The following DAB1 variants were observed in gnomAD, a reference collection of about 807,000 sequenced individuals.
DAB1 encodes DAB adaptor protein 1.
DAB1 carries 15 observed loss-of-function variants against 64.6 expected under a neutral mutation model. The ratio of observed to expected loss-of-function variants is 0.23; its 90% CI spans 0.16 to 0.36. The LOEUF (loss-of-function observed/expected upper bound fraction) is 0.36. Among genes scored for constraint, DAB1 ranks in the 10% least tolerant of loss-of-function variants. DAB1 has a pLI of 1.00. For synonymous variants in DAB1, 235 were observed against 251.9 expected, an observed-to-expected ratio of 0.93 and a Z score of 0.64; for missense variants, 596 against 706.7, an observed-to-expected ratio of 0.84 and a Z score of 1.78.
chr1:58,039,012 C>T (rs1453975997), intron 5 of DAB1, among the ~76,000 whole-genome samples: 1 of 152,128 alleles, frequency 6.6e-6, no homozygotes, highest in Non-Finnish European at 1.5e-5. Context: ...GCCCACTCTG[C>T]TCCCCACACC....
chr1:57,282,028 A>G (rs1188301155), intron 2 of DAB1, among the ~76,000 whole-genome samples: 1 of 151,752 alleles, frequency 6.6e-6, no homozygotes, highest in Non-Finnish European at 1.5e-5. Flanking sequence ...CTAAAAATAT[A>G]AAAAATTAGC....
At chr1:57,634,735 A>G (rs1646030826) in intron 7 of DAB1, among the ~76,000 whole-genome samples, 1 of 152,226 alleles carries the variant, frequency 6.6e-6, no homozygotes, top group Non-Finnish European at 1.5e-5. Flanking sequence ...GTATAATGAA[A>G]ATCTTGTATT....
At chr1:58,464,575 G>A (rs1036935024) in intron 3 of DAB1, among the ~76,000 whole-genome samples, 6 of 152,202 alleles carry the variant, frequency 3.9e-5, no homozygotes, top group Non-Finnish European at 7.3e-5. Context: ...GTGTGGCCTT[G>A]TGAATGTTAT....
intron 7 of DAB1, among the ~76,000 whole-genome samples, chr1:57,585,159 G>C (rs908561970): frequency 1.4e-5 from 2 of 146,298 alleles, no homozygotes; most frequent in Non-Finnish European, 3.0e-5. Context: ...TGAGGCAGGA[G>C]AATCGCTCGA....
intron 14 of DAB1, among the ~76,000 whole-genome samples, chr1:57,007,051 A>C (rs1570477096): frequency 1.4e-5 from 2 of 144,312 alleles, no homozygotes; most frequent in African/African-American, 2.6e-5. Context: ...TTCCTCTCTC[A>C]CTCTCTTAAG....
At chr1:57,371,769 C>A (rs751321138) in intron 1 of DAB1, among the ~76,000 whole-genome samples, 1 of 152,266 alleles carries the variant, frequency 6.6e-6, no homozygotes, top group East Asian at 1.9e-4. Context: ...CTTTGTTTGG[C>A]CACCACTTTA....
chr1:57,802,318 C>A (rs4912282), intron 6 of DAB1, among the ~76,000 whole-genome samples: 27,829 of 151,932 alleles, frequency 0.18, 2,812 homozygotes, highest in Admixed American at 0.31. Context: ...TTTTGATTAC[C>A]CTGGCTGTTG....
chr1:57,335,615 C>T (rs1424471), intron 1 of DAB1, among the ~76,000 whole-genome samples: 17,094 of 152,090 alleles, frequency 0.11, 1,168 homozygotes, highest in African/African-American at 0.18. Context: ...AATATTTAAG[C>T]CCCCAAATGG....
chr1:57,198,155 T>C (rs941758996), intron 2 of DAB1, among the ~76,000 whole-genome samples: 1 of 151,994 alleles, frequency 6.6e-6, no homozygotes, highest in Non-Finnish European at 1.5e-5. Flanking sequence ...ATGAGAAGGG[T>C]TATAAGCAAC....
intron 5 of DAB1, among the ~76,000 whole-genome samples, chr1:57,985,056 C>A (rs113778065): frequency 3.3e-5 from 5 of 152,036 alleles, no homozygotes; most frequent in Non-Finnish European, 7.4e-5. Flanking sequence ...TACAGGCGCA[C>A]GCCACCAGGC....
chr1:58,168,106 C>T (rs1032568930), intron 4 of DAB1, among the ~76,000 whole-genome samples: 2 of 152,152 alleles, frequency 1.3e-5, no homozygotes, highest in African/African-American at 4.8e-5. Flanking sequence ...GGGCTAAATA[C>T]CGGGCACCTG....
chr1:57,427,154 C>T (rs1244166695), upstream of DAB1, among the ~76,000 whole-genome samples: 2 of 152,184 alleles, frequency 1.3e-5, no homozygotes, highest in African/African-American at 2.4e-5. Flanking sequence ...TGAGCCACCA[C>T]GCCCGGCCTA....
At position 58,390,505 on chromosome 1, in the gene DAB1, T is replaced by C. The variant is rs1350939331; in HGVS notation, n.258-47102A>G. Among the ~76,000 whole-genome samples the C allele has an allele frequency of 7.2e-5, 11 of 152,244 alleles. 1 individual carries two copies. Among genetic ancestry groups the C allele is most frequent in the Admixed American group, 5.2e-4 (8 of 15,296 alleles). ...ACTGACATTGGCAAGAGGGGAGCAGTGGAAAGAACGCAATCGTGGAGTCAG... is the reference window on the plus strand; with the variant it reads ...ACTGACATTGGCAAGAGGGGAGCAGCGGAAAGAACGCAATCGTGGAGTCAG... On this transcript the variant is annotated intron_variant and non_coding_transcript_variant, in intron 3 of 20. Coordinates refer to the DAB1 transcript ENST00000485760.
chr1:57,365,834 A>G (rs553602767), intron 1 of DAB1, among the ~76,000 whole-genome samples: 2 of 152,316 alleles, frequency 1.3e-5, no homozygotes, highest in Non-Finnish European at 2.9e-5. Context: ...TCTGACCCTA[A>G]CATCCTGACA....
chr1:57,379,118 C>T (rs1399441967), intron 1 of DAB1, among the ~76,000 whole-genome samples: 2 of 152,006 alleles, frequency 1.3e-5, no homozygotes, highest in Non-Finnish European at 2.9e-5. Context: ...ATAAGAGTTC[C>T]TAAAGATTAG....
intron 2 of DAB1, among the ~76,000 whole-genome samples, chr1:57,181,680 G>T (rs1306569269): frequency 3.3e-5 from 5 of 152,080 alleles, no homozygotes; most frequent in Non-Finnish European, 5.9e-5. Flanking sequence ...TATGTGCATT[G>T]CTGCCTAAAA....
rs540779347 is a variant in DAB1 at position 58,024,598 on chromosome 1, A to T, written n.387+125913T>A. Among the ~76,000 whole-genome samples, 3 of 152,318 alleles carry T rather than the reference A, an allele frequency of 2.0e-5. No individual in the cohort carries two copies. The South Asian group carries it at 6.2e-4, about 32-fold the overall frequency. Reference sequence around the variant, plus strand: ...TATCACCATTGTTATCATAAGGATTATGCTGTTATAATGAAGTCCTGGTTA... The same window carrying T: ...TATCACCATTGTTATCATAAGGATTTTGCTGTTATAATGAAGTCCTGGTTA... On this transcript the variant is annotated intron_variant and non_coding_transcript_variant, in intron 5 of 20. Coordinates refer to the DAB1 transcript ENST00000485760.
intron 7 of DAB1, among the ~76,000 whole-genome samples, chr1:57,618,738 TTACTA>T (rs1417217139): frequency 8.6e-6 from 1 of 116,504 alleles, no homozygotes. Flanking sequence ...GATAATAGCA[TTACTA>T]TTTTTTTAGT....
At chr1:57,811,905 C>T (rs569490815) in intron 6 of DAB1, among the ~76,000 whole-genome samples, 57 of 152,220 alleles carry the variant, frequency 3.7e-4, no homozygotes, top group African/African-American at 1.3e-3. Flanking sequence ...TTCTACAGGG[C>T]CTAGTGAGGA....
Sources: allele counts gnomAD v4.1 joint callset (sites outside exome capture counted in the v4.1 genomes callset), GRCh38; gene constraint gnomAD v4.1.1; transcripts MANE v1.5; gene names NCBI Gene and HGNC (gene_info 2026-07-23, HGNC 2026-07-21).